Variants in LPIN2 observed in about 807,000 individuals in gnomAD.
LPIN2 encodes lipin 2.
A neutral mutation model predicts 111.4 loss-of-function variants in LPIN2; 55 were observed. The observed-to-expected ratio is 0.49, with a 90% confidence interval of 0.40 to 0.62. The LOEUF (loss-of-function observed/expected upper bound fraction) is 0.62, where lower values mean the gene tolerates loss of function less well. Among genes scored for constraint, LPIN2 ranks in the 20% least tolerant of loss-of-function variants. The pLI is 0.00. For synonymous variants in LPIN2, 425 were observed against 414.0 expected, an observed-to-expected ratio of 1.03 and a Z score of -0.32; for missense variants, 992 against 1,112.1, an observed-to-expected ratio of 0.89 and a Z score of 1.54.
chr18:2,998,763 T>A (rs746074297), intron 1 of LPIN2, among the ~76,000 whole-genome samples: 3 of 152,092 alleles, frequency 2.0e-5, no homozygotes, highest in Admixed American at 6.6e-5. Flanking sequence ...GGACAGAGCA[T>A]GATGAGAACC....
intron 5 of LPIN2, 100 bp downstream of exon 5, chr18:2,940,505 T>A: frequency 2.8e-6 from 2 of 717,924 alleles, no homozygotes; most frequent in Non-Finnish European, 5.0e-6. Flanking sequence ...CTTGGCTGTG[T>A]GAGAGAAATG....
intron 1 of LPIN2, among the ~76,000 whole-genome samples, chr18:3,012,820 C>T (rs1391548720): frequency 6.6e-6 from 1 of 151,770 alleles, no homozygotes; most frequent in Admixed American, 6.6e-5. Context: ...CCCCGGCTCC[C>T]CGCGCACCCC....
chr18:2,963,215 G>A (rs2077739365), intron 1 of LPIN2, among the ~76,000 whole-genome samples: 1 of 152,184 alleles, frequency 6.6e-6, no homozygotes, highest in African/African-American at 2.4e-5. Flanking sequence ...TGCTAGAAGG[G>A]TCACCCCAAC....
rs1405106529 is a variant in LPIN2 at position 2,919,652 on chromosome 18, G to A, written c.*641C>T. 6.3e-6 allele frequency: 1 copy of A among 157,868 alleles called. No homozygotes were observed. Among genetic ancestry groups the A allele is most frequent in the African/African-American group, 2.4e-5 (1 of 41,482 alleles). The allele number at this position is 157,868 out of a possible 1,614,324, so 9.8% of individuals were successfully genotyped here. A position where few individuals can be genotyped will look rare whatever the true frequency, so the allele number is the denominator to read the frequency against. ...GTGGAGTTGTCACAGATGAGAGGAGGATGCTCTGTGGGGATCTTTCCCCAA... is the reference window on the plus strand; with the variant it reads ...GTGGAGTTGTCACAGATGAGAGGAGAATGCTCTGTGGGGATCTTTCCCCAA... On this transcript the variant is annotated 3_prime_UTR_variant, in exon 20 of 20. Coordinates refer to ENST00000677752, the MANE Select transcript of LPIN2 (RefSeq NM_001375808.2).
chr18:2,990,660 C>A (rs2078251872), intron 1 of LPIN2: 5 of 229,950 alleles, frequency 2.2e-5, no homozygotes, highest in Non-Finnish European at 2.7e-5. Context: ...GTGACTACTG[C>A]AACACACACC....
intron 2 of LPIN2, among the ~76,000 whole-genome samples, chr18:2,956,311 G>GGTGTGTGTGTGT (rs55844718): frequency 0.034 from 4,915 of 143,888 alleles, 166 homozygotes; most frequent in South Asian, 0.076. Flanking sequence ...TAGATGCAGG[G>GGTGTGTGTGTGT]GTGTGTGTGT....
At position 2,982,572 on chromosome 18, in the gene LPIN2, C is replaced by T. The variant is rs554770562; in HGVS notation, c.-9-21723G>A. On this transcript the variant is annotated intron_variant, in intron 1 of 19. Transcript: ENST00000677752. ...CATTTTCCTAAGAAAGGGCATTAGTCTTTTTCTTTTGGTGGATGCCATCCC... is the reference window on the plus strand; with the variant it reads ...CATTTTCCTAAGAAAGGGCATTAGTTTTTTTCTTTTGGTGGATGCCATCCC... The T allele has an allele frequency of 1.2e-5, 5 of 428,750 alleles. No homozygotes were observed. In the Admixed American group the frequency reaches 1.4e-4, roughly 12 times the overall value. 26.6% of individuals were successfully genotyped at this position (428,750 alleles called of 1,614,324 possible). A position where few individuals can be genotyped will look rare whatever the true frequency, so the allele number is the denominator to read the frequency against.
intron 1 of LPIN2, chr18:2,991,167 T>C: frequency 3.4e-6 from 1 of 295,660 alleles, no homozygotes; most frequent in Non-Finnish European, 6.8e-6. Context: ...CTCTGGGTGT[T>C]TTCTTATCAG....
At chr18:2,960,948 T>C in intron 1 of LPIN2, 99 bp from the exon 2 acceptor site, 1 of 947,070 alleles carries the variant, frequency 1.1e-6, no homozygotes, top group Non-Finnish European at 1.7e-6. Context: ...CTCACTTGTA[T>C]GCCAGATTTC....
At chr18:2,927,151 C>T (rs577787625) in intron 12 of LPIN2, among the ~76,000 whole-genome samples, 1 of 152,308 alleles carries the variant, frequency 6.6e-6, no homozygotes, top group East Asian at 1.9e-4. Context: ...TGAAAGGCAG[C>T]CCCCTTGCTG....
In LPIN2 at chr18:2,996,495, T is replaced by TTTG. The variant is rs1383642994; in HGVS notation, c.-10+16591_-10+16592insCAA. On this transcript the variant is annotated intron_variant, in intron 1 of 19. Coordinates refer to ENST00000677752, the MANE Select transcript of LPIN2 (RefSeq NM_001375808.2). The stretch of plus-strand genomic sequence containing the variant: ...TTTTTTTTTTTTTTTTTTTTTTTTT[T>TTTG]GAGACAGAGTCTCTCTCTGTCACCC... Among the ~76,000 whole-genome samples the TTTG allele has an allele frequency of 5.5e-3, 571 of 104,222 alleles. 89 individuals carry two copies. Among genetic ancestry groups the TTTG allele is most frequent in the African/African-American group, 0.014 (384 of 26,530 alleles). The allele number at this position is 104,222 out of a possible 152,430, so 68.4% of individuals were successfully genotyped here.
intron 1 of LPIN2, among the ~76,000 whole-genome samples, chr18:2,984,573 C>T (rs2078160117): frequency 6.7e-6 from 1 of 150,320 alleles, no homozygotes; most frequent in Non-Finnish European, 1.5e-5. Flanking sequence ...TAAAGAGAAA[C>T]CTAAGAAGGT....
intron 9 of LPIN2, among the ~76,000 whole-genome samples, chr18:2,930,323 G>A (rs1411583730): frequency 3.3e-5 from 5 of 152,208 alleles, no homozygotes; most frequent in Non-Finnish European, 5.9e-5. Flanking sequence ...CAGAAAGAAT[G>A]TGACCTATTT....
At chr18:2,964,747 G>A (rs1480963350) in intron 1 of LPIN2, among the ~76,000 whole-genome samples, 1 of 152,202 alleles carries the variant, frequency 6.6e-6, no homozygotes, top group African/African-American at 2.4e-5. Context: ...ACAGTTGACA[G>A]AGACTCACTA....
At chr18:2,986,150 T>C (rs1228764911) in intron 1 of LPIN2, among the ~76,000 whole-genome samples, 1 of 152,384 alleles carries the variant, frequency 6.6e-6, no homozygotes, top group East Asian at 1.9e-4. Flanking sequence ...TCACTGTTTA[T>C]GAAAACAACC....
rs766168571 is a variant in LPIN2, at chr18:2,931,272, A to G, written c.1440T>C (p.Asn480=). ...CCAACGTACCTTTTGAAATTTCTCC[A>G]TTTTCACTGAGGCCCCCGCAAAGGG... ...TLSLCGGLSE[N]GEISKEKFME... is the part of the protein sequence containing the mutation. The change falls in exon 9 of 20, where the codon AAT becomes AAC. Residue 480 remains asparagine, a synonymous_variant. Transcript: ENST00000677752. The G allele has an allele frequency of 1.9e-6, 3 of 1,614,082 alleles. No homozygotes were observed. The highest frequency in any genetic ancestry group is 1.7e-6 in the Non-Finnish European group (2 of 1,180,004).
At chr18:2,961,962 C>T (rs1394345601) in intron 1 of LPIN2, among the ~76,000 whole-genome samples, 1 of 152,204 alleles carries the variant, frequency 6.6e-6, no homozygotes, top group East Asian at 1.9e-4. Flanking sequence ...TTGGAGGCTG[C>T]CTTGAGCTTA....
chr18:2,969,030 A>G (rs1430472376), intron 1 of LPIN2, among the ~76,000 whole-genome samples: 2 of 152,216 alleles, frequency 1.3e-5, no homozygotes, highest in African/African-American at 4.8e-5. Flanking sequence ...AAATAAAAAG[A>G]GTAGACCTGG....
At chr18:2,999,069 T>C (rs888686637) in intron 1 of LPIN2, among the ~76,000 whole-genome samples, 2 of 152,234 alleles carry the variant, frequency 1.3e-5, no homozygotes, top group African/African-American at 2.4e-5. Flanking sequence ...TTTAAAAATA[T>C]TGCTCTAACT....
Sources: gnomAD v4.1 joint callset for allele counts (sites outside exome capture counted in the v4.1 genomes callset) on GRCh38, gnomAD v4.1.1 for gene constraint, MANE v1.5 for transcripts, NCBI Gene and HGNC (gene_info 2026-07-23, HGNC 2026-07-21) for gene names.